The following KCNAB1 variants were observed in gnomAD, a reference collection of about 807,000 sequenced individuals.
KCNAB1 encodes the protein potassium voltage-gated channel subfamily A regulatory beta subunit 1.
In KCNAB1, 35 loss-of-function variants were observed where a neutral mutation model predicts 64.6. That is an observed-to-expected ratio of 0.54 (90% CI 0.41 to 0.72). The LOEUF is 0.72. Among genes scored for constraint, KCNAB1 ranks in the 30% least tolerant of loss-of-function variants. The pLI, the probability that KCNAB1 is intolerant of heterozygous loss-of-function variation, is 0.00. For missense variants in KCNAB1, 401 were observed against 512.9 expected (o/e 0.78, Z 2.11); for synonymous variants, 177 against 183.8 (o/e 0.96, Z 0.30).
chr3:156,408,742 T>C (rs904656916), intron 1 of KCNAB1, among the ~76,000 whole-genome samples: 39 of 151,848 alleles, frequency 2.6e-4, no homozygotes, highest in Non-Finnish European at 2.2e-4. Context: ...ATGGTGCCAC[T>C]GCACTGCAGC....
chr3:156,329,251 C>T (rs1400363411), intron 1 of KCNAB1, among the ~76,000 whole-genome samples: 3 of 152,062 alleles, frequency 2.0e-5, no homozygotes, highest in Non-Finnish European at 1.5e-5. Context: ...CCCCATCTTC[C>T]CCTTCCTTCC....
At position 156,514,407 on chromosome 3, in the gene KCNAB1, G is replaced by A. The variant is rs370190413; in HGVS notation, c.702G>A (p.Ala234=). 8.1e-6 allele frequency: 13 copies of A among 1,613,954 alleles called. No individual in the cohort carries two copies. Among genetic ancestry groups the A allele is most frequent in the African/African-American group, 2.7e-5 (2 of 74,928 alleles). Residue 234 remains alanine (A), a synonymous_variant, in exon 9 of 14, where the codon GCG becomes GCA. Transcript: ENST00000490337. The part of the protein sequence containing the change: ...AMTHVINQGM[A]MYWGTSRWSA... ...CACATGTGATAAACCAAGGCATGGC[G>A]ATGTACTGGGGCACCTCGAGATGGA...
chr3:156,192,212 C>A (rs765306583), intron 1 of KCNAB1, among the ~76,000 whole-genome samples: 4 of 152,046 alleles, frequency 2.6e-5, no homozygotes, highest in Non-Finnish European at 4.4e-5. Context: ...CTTTTTATTG[C>A]AGAGTTGTGT....
intron 1 of KCNAB1, among the ~76,000 whole-genome samples, chr3:156,151,233 C>T (rs147679047): frequency 1.5e-3 from 236 of 152,292 alleles, no homozygotes; most frequent in Non-Finnish European, 2.9e-3. Flanking sequence ...CTCCTCTGTA[C>T]CCACTGTTTG....
At chr3:156,333,341 CAT>C (rs754650083) in intron 1 of KCNAB1, among the ~76,000 whole-genome samples, 3,172 of 118,136 alleles carry the variant, frequency 0.027, 48 homozygotes, top group Middle Eastern at 0.055. Flanking sequence ...CACACACACA[CAT>C]ACACACACAC....
At chr3:156,191,759 G>C (rs1713581540) in intron 1 of KCNAB1, among the ~76,000 whole-genome samples, 1 of 152,078 alleles carries the variant, frequency 6.6e-6, no homozygotes, top group Non-Finnish European at 1.5e-5. Context: ...ATTTGCTTTT[G>C]CCGCATTTTT....
intron 1 of KCNAB1, among the ~76,000 whole-genome samples, chr3:156,419,605 T>G (rs918347289): frequency 6.6e-6 from 1 of 151,940 alleles, no homozygotes; most frequent in Non-Finnish European, 1.5e-5. Flanking sequence ...ACAAGTCACT[T>G]CTCCCTACTG....
chr3:156,222,010 AAAAAC>A (rs1157917693), intron 1 of KCNAB1, among the ~76,000 whole-genome samples: 8 of 152,164 alleles, frequency 5.3e-5, no homozygotes, highest in African/African-American at 1.9e-4. Flanking sequence ...AACACAATTA[AAAAAC>A]AAAACAAAAC....
chr3:156,257,074 T>C (rs925613316), intron 1 of KCNAB1, among the ~76,000 whole-genome samples: 4 of 152,248 alleles, frequency 2.6e-5, no homozygotes, highest in Admixed American at 6.5e-5. Flanking sequence ...TTTACTTCCC[T>C]TCAGGGACAT....
intron 8 of KCNAB1, among the ~76,000 whole-genome samples, chr3:156,490,500 A>T (rs868236122): frequency 6.6e-6 from 1 of 152,148 alleles, no homozygotes; most frequent in African/African-American, 2.4e-5. Flanking sequence ...GATATAAGAG[A>T]AGGTACTACA....
intron 2 of KCNAB1, among the ~76,000 whole-genome samples, chr3:156,441,989 GTAA>G (rs1717039281): frequency 6.6e-6 from 1 of 152,114 alleles, no homozygotes; most frequent in African/African-American, 2.4e-5. Flanking sequence ...GATTATAAAA[GTAA>G]TAATATTTAT....
chr3:156,163,392 C>T (rs1333054016), intron 1 of KCNAB1, among the ~76,000 whole-genome samples: 2 of 152,092 alleles, frequency 1.3e-5, no homozygotes, highest in Non-Finnish European at 2.9e-5. Flanking sequence ...CACATAGTCC[C>T]CTTACCTTGA....
intron 1 of KCNAB1, among the ~76,000 whole-genome samples, chr3:156,349,804 A>G (rs1454806504): frequency 3.9e-5 from 6 of 152,194 alleles, no homozygotes; most frequent in Non-Finnish European, 5.9e-5. Context: ...GGCTCCAGCA[A>G]TCCACCTGCG....
intron 1 of KCNAB1, among the ~76,000 whole-genome samples, chr3:156,341,173 T>C (rs1383655551): frequency 1.3e-5 from 2 of 152,224 alleles, no homozygotes; most frequent in South Asian, 2.1e-4. Flanking sequence ...TTTATTGATA[T>C]AGATGTATAG....
At chr3:156,420,514 G>A (rs1271694241) in intron 1 of KCNAB1, among the ~76,000 whole-genome samples, 2 of 152,202 alleles carry the variant, frequency 1.3e-5, no homozygotes, top group African/African-American at 4.8e-5. Context: ...CAAAACTGAT[G>A]ACAAATCAAG....
At chr3:156,193,146 T>G (rs565198726) in intron 1 of KCNAB1, among the ~76,000 whole-genome samples, 6 of 152,118 alleles carry the variant, frequency 3.9e-5, no homozygotes, top group Non-Finnish European at 8.8e-5. Flanking sequence ...CCTTTTTTAG[T>G]TTATTAGTTA....
chr3:156,372,591 A>C (rs1304418181), intron 1 of KCNAB1, among the ~76,000 whole-genome samples: 3 of 152,226 alleles, frequency 2.0e-5, no homozygotes, highest in South Asian at 2.1e-4. Flanking sequence ...TGAATTGTAC[A>C]AGTGTGGAGT....
intron 1 of KCNAB1, among the ~76,000 whole-genome samples, chr3:156,341,200 C>A (rs1724087395): frequency 6.6e-6 from 1 of 152,156 alleles, no homozygotes. Flanking sequence ...ATATTAGATT[C>A]TCTTAGAGTA....
chr3:156,231,179 A>G (rs1357448732), intron 1 of KCNAB1, among the ~76,000 whole-genome samples: 1 of 152,178 alleles, frequency 6.6e-6, no homozygotes, highest in Non-Finnish European at 1.5e-5. Flanking sequence ...GTAATCACAT[A>G]TGATTACTTT....
Sources: gnomAD v4.1 joint callset for allele counts (sites outside exome capture counted in the v4.1 genomes callset) on GRCh38, gnomAD v4.1.1 for gene constraint, MANE v1.5 for transcripts, NCBI Gene and HGNC (gene_info 2026-07-23, HGNC 2026-07-21) for gene names.